Variants in PCDH15 observed in about 807,000 individuals in gnomAD.
The protein encoded by PCDH15 is protocadherin related 15, also known as protocadherin-15.
A neutral mutation model predicts 178.5 loss-of-function variants in PCDH15; 129 were observed. The ratio of observed to expected loss-of-function variants is 0.72; its 90% confidence interval spans 0.63 to 0.84. The LOEUF (loss-of-function observed/expected upper bound fraction) is 0.84. PCDH15 is among the 40% of genes least tolerant of loss of function. The pLI is 0.00. For synonymous variants in PCDH15, 800 were observed against 732.0 expected, an observed-to-expected ratio of 1.09 and a Z score of -1.50; for missense variants, 2,230 against 2,099.9, an observed-to-expected ratio of 1.06 and a Z score of -1.21.
At chr10:53,925,444 C>T (rs748454253) in intron 25 of PCDH15, among the ~76,000 whole-genome samples, 16 of 152,202 alleles carry the variant, frequency 1.1e-4, no homozygotes, top group Non-Finnish European at 2.1e-4. Context: ...GAACTCCAGA[C>T]GCACCATCTT....
intron 3 of PCDH15, among the ~76,000 whole-genome samples, chr10:54,827,992 A>T (rs1184372324): frequency 2.0e-5 from 3 of 152,102 alleles, no homozygotes; most frequent in Admixed American, 1.3e-4. Flanking sequence ...CTTATGCTAT[A>T]TACAAACACA....
At chr10:54,004,336 G>T (rs2092301497) in intron 20 of PCDH15, among the ~76,000 whole-genome samples, 2 of 149,680 alleles carry the variant, frequency 1.3e-5, no homozygotes, top group Non-Finnish European at 3.0e-5. Context: ...TGGAAAGGAA[G>T]AAGTCAAATT....
intron 2 of PCDH15, among the ~76,000 whole-genome samples, chr10:54,627,120 T>A (rs1358817218): frequency 6.6e-6 from 1 of 152,210 alleles, no homozygotes; most frequent in Non-Finnish European, 1.5e-5. Context: ...AGGAAGTAAG[T>A]AACTTGCTTT....
At chr10:54,171,158 T>G (rs2046866919) in intron 13 of PCDH15, among the ~76,000 whole-genome samples, 1 of 152,086 alleles carries the variant, frequency 6.6e-6, no homozygotes, top group Admixed American at 6.5e-5. Flanking sequence ...TACAGTCTGA[T>G]AACGGACGAG....
chr10:54,412,523 C>A (rs1565206284), intron 3 of PCDH15, among the ~76,000 whole-genome samples: 1 of 152,192 alleles, frequency 6.6e-6, no homozygotes, highest in South Asian at 2.1e-4. Flanking sequence ...AGGACATACA[C>A]CGAAGTTAGT....
At chr10:53,953,886 T>TA (rs1221095928) in intron 23 of PCDH15, among the ~76,000 whole-genome samples, 2 of 152,122 alleles carry the variant, frequency 1.3e-5, no homozygotes, top group African/African-American at 2.4e-5. Flanking sequence ...GCCTCTTGGG[T>TA]TCATGCCATT....
chr10:53,998,437 C>T (rs961119588), intron 20 of PCDH15, among the ~76,000 whole-genome samples: 4 of 151,978 alleles, frequency 2.6e-5, no homozygotes, highest in African/African-American at 9.7e-5. Context: ...AGGTAGCTAA[C>T]AGGAGAAAAC....
At chr10:55,188,182 C>T (rs1376358013) in intron 1 of PCDH15, among the ~76,000 whole-genome samples, 1 of 151,930 alleles carries the variant, frequency 6.6e-6, no homozygotes, top group African/African-American at 2.4e-5. Flanking sequence ...AGTGACAACC[C>T]AGAGTGTGCA....
chr10:55,105,827 A>T (rs1842661350), intron 2 of PCDH15, among the ~76,000 whole-genome samples: 1 of 152,206 alleles, frequency 6.6e-6, no homozygotes, highest in Non-Finnish European at 1.5e-5. Flanking sequence ...CTTGAAAAAA[A>T]ATCAATCCAT....
chr10:54,619,536 G>A (rs1050273026), intron 2 of PCDH15, among the ~76,000 whole-genome samples: 2 of 151,900 alleles, frequency 1.3e-5, no homozygotes, highest in Non-Finnish European at 2.9e-5. Context: ...GTAACAGATT[G>A]TTCATGTTTT....
intron 20 of PCDH15, among the ~76,000 whole-genome samples, chr10:54,006,610 A>G (rs2092394650): frequency 6.6e-6 from 1 of 152,202 alleles, no homozygotes; most frequent in Non-Finnish European, 1.5e-5. Context: ...ATGATGGAGC[A>G]TCAGTAGCAC....
At chr10:54,150,446 A>G (rs771325001) in intron 14 of PCDH15, among the ~76,000 whole-genome samples, 1 of 151,814 alleles carries the variant, frequency 6.6e-6, no homozygotes, top group Non-Finnish European at 1.5e-5. Flanking sequence ...TTTTTTTTGA[A>G]CTAATATTAG....
chr10:55,239,468 T>C (rs1841484709), intron 1 of PCDH15, among the ~76,000 whole-genome samples: 1 of 152,076 alleles, frequency 6.6e-6, no homozygotes, highest in Admixed American at 6.5e-5. Flanking sequence ...CTTTAATAAA[T>C]GGTGCTAGCA....
chr10:54,740,331 T>C (rs1235268944), intron 1 of PCDH15, among the ~76,000 whole-genome samples: 1 of 151,736 alleles, frequency 6.6e-6, no homozygotes, highest in African/African-American at 2.4e-5. Context: ...TGAAATATCA[T>C]CTCACCCCAG....
chr10:53,901,624 T>C (rs551616166), intron 26 of PCDH15, among the ~76,000 whole-genome samples: 1 of 152,272 alleles, frequency 6.6e-6, no homozygotes, highest in East Asian at 1.9e-4. Flanking sequence ...AGGCTTTCTT[T>C]CCAACACACC....
intron 2 of PCDH15, 39 bp downstream of exon 2, chr10:54,664,133 C>A: frequency 6.9e-7 from 1 of 1,454,282 alleles, no homozygotes; most frequent in South Asian, 1.1e-5. Context: ...TAATAAAAAT[C>A]CTGGCTCGCT....
chr10:53,973,843 A>C (rs1422073261), intron 21 of PCDH15, among the ~76,000 whole-genome samples: 1 of 152,172 alleles, frequency 6.6e-6, no homozygotes, highest in Non-Finnish European at 1.5e-5. Flanking sequence ...GAGCCTTTCT[A>C]ATTGGTAAAG....
At chr10:54,034,805 CT>C (rs2093378774) in intron 18 of PCDH15, among the ~76,000 whole-genome samples, 1 of 151,838 alleles carries the variant, frequency 6.6e-6, no homozygotes, top group Non-Finnish European at 1.5e-5. Context: ...CAGCAGCAGG[CT>C]TTATGAAAAG....
chr10:55,582,613 TATATA>T (rs1842638997), intron 2 of PCDH15, among the ~76,000 whole-genome samples: 1 of 93,066 alleles, frequency 1.1e-5, no homozygotes, highest in Non-Finnish European at 2.0e-5. Context: ...TATATATATA[TATATA>T]TATATATATA....
Sources: allele counts gnomAD v4.1 joint callset (sites outside exome capture counted in the v4.1 genomes callset), GRCh38; gene constraint gnomAD v4.1.1; transcripts MANE v1.5; gene names NCBI Gene and HGNC (gene_info 2026-07-23, HGNC 2026-07-21).